NDST3: variants seen among roughly 807,000 people sequenced by gnomAD.
NDST3 encodes N-deacetylase and N-sulfotransferase 3, also known as bifunctional heparan sulfate N-deacetylase/N-sulfotransferase 3.
A neutral mutation model predicts 96.1 loss-of-function variants in NDST3; 58 were observed. That is an observed-to-expected ratio of 0.60 (90% CI 0.49 to 0.75). The LOEUF (loss-of-function observed/expected upper bound fraction) is 0.75. NDST3 is among the 30% of genes least tolerant of loss of function. The probability of loss-of-function intolerance (pLI) is 0.00; values close to 1 mark genes in which losing one functional copy is unlikely to be tolerated. For missense variants in NDST3, 788 were observed against 1,034.2 expected (o/e 0.76, Z 3.27); for synonymous variants, 333 against 359.7 (o/e 0.93, Z 0.84).
intron 2 of NDST3, among the ~76,000 whole-genome samples, chr4:118,070,109 G>A (rs182930010): frequency 5.0e-4 from 76 of 152,178 alleles, no homozygotes; most frequent in Non-Finnish European, 1.5e-4. Flanking sequence ...GCAAACCTAT[G>A]AGTGTGAAAG....
intron 4 of NDST3, among the ~76,000 whole-genome samples, chr4:118,130,049 A>G (rs1367745641): frequency 1.3e-5 from 2 of 152,028 alleles, no homozygotes; most frequent in Non-Finnish European, 2.9e-5. Context: ...ATCTTTTCAC[A>G]TCCCTTTATT....
At chr4:118,062,251 C>G (rs1410224735) in intron 2 of NDST3, among the ~76,000 whole-genome samples, 1 of 152,162 alleles carries the variant, frequency 6.6e-6, no homozygotes, top group African/African-American at 2.4e-5. Flanking sequence ...TATTTTCCCT[C>G]ATCCTTAAAA....
intron 6 of NDST3, among the ~76,000 whole-genome samples, chr4:118,196,781 A>G (rs1404488385): frequency 6.6e-6 from 1 of 151,798 alleles, no homozygotes; most frequent in Non-Finnish European, 1.5e-5. Flanking sequence ...TTTATCTTTA[A>G]AAAAACTTTT....
chr4:118,185,510 A>G (rs1326025803), intron 6 of NDST3, among the ~76,000 whole-genome samples: 1 of 151,182 alleles, frequency 6.6e-6, no homozygotes, highest in Non-Finnish European at 1.5e-5. Context: ...ATATATGTAG[A>G]TATCATTAAA....
At chr4:118,178,565 G>T (rs974458098) in intron 6 of NDST3, among the ~76,000 whole-genome samples, 1 of 151,790 alleles carries the variant, frequency 6.6e-6, no homozygotes, top group African/African-American at 2.4e-5. Context: ...ATCACATTTG[G>T]TGTATTCATT....
intron 5 of NDST3, among the ~76,000 whole-genome samples, chr4:118,140,937 T>TA (rs1401608164): frequency 2.6e-5 from 4 of 152,238 alleles, no homozygotes; most frequent in East Asian, 1.9e-4. Context: ...CAGAGACCTC[T>TA]AAAAAATTAG....
At chr4:118,168,294 T>C (rs1392616963) in intron 6 of NDST3, among the ~76,000 whole-genome samples, 2 of 151,990 alleles carry the variant, frequency 1.3e-5, no homozygotes, top group African/African-American at 4.8e-5. Flanking sequence ...AAAGACGACA[T>C]GACCAACAGG....
At chr4:118,042,629 C>T (rs1227441286) in intron 1 of NDST3, among the ~76,000 whole-genome samples, 1 of 152,220 alleles carries the variant, frequency 6.6e-6, no homozygotes, top group East Asian at 1.9e-4. Flanking sequence ...ATCTGCACCA[C>T]TCTTTTAATC....
At chr4:118,199,596 T>C (rs1737930939) in intron 6 of NDST3, among the ~76,000 whole-genome samples, 1 of 152,158 alleles carries the variant, frequency 6.6e-6, no homozygotes, top group South Asian at 2.1e-4. Flanking sequence ...AGTCATGTTT[T>C]CCTGGATTGT....
intron 6 of NDST3, among the ~76,000 whole-genome samples, chr4:118,214,680 A>G (rs1375314381): frequency 1.3e-5 from 2 of 152,160 alleles, no homozygotes; most frequent in African/African-American, 2.4e-5. Flanking sequence ...GTAAGATTCA[A>G]TGAAAGATTA....
chr4:118,183,298 G>T (rs1029329924), intron 6 of NDST3, among the ~76,000 whole-genome samples: 2 of 152,158 alleles, frequency 1.3e-5, no homozygotes, highest in Admixed American at 1.3e-4. Flanking sequence ...CAGAACTATA[G>T]GAATAATTGA....
chr4:118,094,930 C>G (rs1729170759), intron 2 of NDST3, among the ~76,000 whole-genome samples: 1 of 151,640 alleles, frequency 6.6e-6, no homozygotes, highest in Non-Finnish European at 1.5e-5. Flanking sequence ...AGAGGGTGGT[C>G]ACAAAAAATA....
At chr4:118,252,483 T>C (rs1192372536) in intron 12 of NDST3, among the ~76,000 whole-genome samples, 2 of 152,230 alleles carry the variant, frequency 1.3e-5, no homozygotes, top group African/African-American at 4.8e-5. Context: ...CTTCACAGCA[T>C]ATCCTTAAGT....
Position 118,236,951 on chromosome 4 carries a change from G to A in NDST3, c.1944-95G>A, listed in dbSNP as rs530760910. 5.1e-5 allele frequency: 48 copies of A among 946,600 alleles called. No individual in the cohort carries two copies. The East Asian group carries it at 1.4e-3, about 28-fold the overall frequency. The allele number at this position is 946,600 out of a possible 1,614,324, so 58.6% of individuals were successfully genotyped here. Reference sequence around the variant, plus strand: ...TGTAAAGAAAAAGCCTTTTATTTAGGAAACACATGAATTTGTGGGACACTT... The same window carrying A: ...TGTAAAGAAAAAGCCTTTTATTTAGAAAACACATGAATTTGTGGGACACTT... On this transcript the variant is annotated intron_variant, in intron 9 of 13. Transcript: ENST00000296499.
chr4:118,144,002 C>A (rs1733759678), intron 6 of NDST3, among the ~76,000 whole-genome samples: 1 of 141,708 alleles, frequency 7.1e-6, no homozygotes, highest in Non-Finnish European at 1.5e-5. Context: ...CACGGGGAAC[C>A]ATTTTTTTTT....
intron 2 of NDST3, among the ~76,000 whole-genome samples, chr4:118,100,198 A>G (rs1729652897): frequency 6.6e-6 from 1 of 152,012 alleles, no homozygotes; most frequent in Non-Finnish European, 1.5e-5. Context: ...GAGGGATTGA[A>G]TAGAACTAAG....
intron 11 of NDST3, among the ~76,000 whole-genome samples, chr4:118,241,447 G>A (rs915650719): frequency 6.6e-6 from 1 of 152,062 alleles, no homozygotes; most frequent in Non-Finnish European, 1.5e-5. Context: ...AGGCTTTGTG[G>A]CCTTTAATCC....
chr4:118,230,507 G>A (rs1427426580), intron 8 of NDST3, among the ~76,000 whole-genome samples: 1 of 151,932 alleles, frequency 6.6e-6, no homozygotes, highest in African/African-American at 2.4e-5. Context: ...CCCGGCGGGC[G>A]GAGCTTGCAG....
intron 2 of NDST3, among the ~76,000 whole-genome samples, chr4:118,095,460 G>T (rs1729219432): frequency 6.6e-6 from 1 of 151,670 alleles, no homozygotes; most frequent in Non-Finnish European, 1.5e-5. Flanking sequence ...GACATGTATT[G>T]CAAATAATTT....
Sources: allele counts gnomAD v4.1 joint callset (sites outside exome capture counted in the v4.1 genomes callset), GRCh38; gene constraint gnomAD v4.1.1; transcripts MANE v1.5; gene names NCBI Gene and HGNC (gene_info 2026-07-23, HGNC 2026-07-21).